Variants in MIPOL1 observed in about 807,000 individuals in gnomAD.
MIPOL1 encodes the protein mirror-image polydactyly 1, also known as mirror-image polydactyly gene 1 protein.
In MIPOL1, 57 loss-of-function variants were observed where a neutral mutation model predicts 60.9. The observed-to-expected ratio is 0.94, with a 90% CI of 0.76 to 1.17. The LOEUF is 1.17. Among genes scored for constraint, MIPOL1 ranks in the 50% most tolerant of loss-of-function variants. The probability of loss-of-function intolerance (pLI) is 0.00; values close to 1 mark genes in which losing one functional copy is unlikely to be tolerated. For missense variants in MIPOL1, 551 were observed against 511.6 expected (o/e 1.08, Z -0.74); for synonymous variants, 179 against 168.8 (o/e 1.06, Z -0.47).
intron 9 of MIPOL1, among the ~76,000 whole-genome samples, chr14:37,329,993 A>G (rs983750016): frequency 6.8e-6 from 1 of 147,174 alleles, no homozygotes; most frequent in Non-Finnish European, 1.5e-5. Flanking sequence ...AAAAAGGATC[A>G]AAACACCACA....
intron 3 of MIPOL1, among the ~76,000 whole-genome samples, chr14:37,248,788 G>C (rs1973607357): frequency 6.6e-6 from 1 of 152,034 alleles, no homozygotes; most frequent in African/African-American, 2.4e-5. Context: ...GAAAGACATA[G>C]ATCAGAAGAT....
At chr14:37,247,781 C>T (rs932515912) in intron 2 of MIPOL1, 48 bp from the exon 3 acceptor site, 26 of 1,066,560 alleles carry the variant, frequency 2.4e-5, no homozygotes, top group Non-Finnish European at 3.5e-5. Context: ...TAGGTGTGTT[C>T]TGATATATTG....
intron 9 of MIPOL1, among the ~76,000 whole-genome samples, chr14:37,341,613 A>AT (rs541805684): frequency 6.6e-6 from 1 of 151,984 alleles, no homozygotes; most frequent in Non-Finnish European, 1.5e-5. Context: ...TATTTTTTAA[A>AT]TTTTTTTTAT....
At chr14:37,353,827 A>G (rs2091594768) in intron 9 of MIPOL1, among the ~76,000 whole-genome samples, 3 of 152,024 alleles carry the variant, frequency 2.0e-5, no homozygotes, top group Non-Finnish European at 2.9e-5. Context: ...CTAGCGATCT[A>G]TCAATTTTGT....
chr14:37,210,587 T>C (rs1182176523), intron 1 of MIPOL1, among the ~76,000 whole-genome samples: 3 of 152,152 alleles, frequency 2.0e-5, no homozygotes, highest in South Asian at 4.1e-4. Context: ...GCTTGAAGAT[T>C]AGGCGGGCAG....
chr14:37,472,013 C>T (rs867379930), intron 11 of MIPOL1, among the ~76,000 whole-genome samples: 2 of 152,146 alleles, frequency 1.3e-5, no homozygotes, highest in African/African-American at 4.8e-5. Flanking sequence ...CCAAGTAAAA[C>T]AAAGCATATG....
chr14:37,511,194 C>T (rs2095325202), intron 12 of MIPOL1, among the ~76,000 whole-genome samples: 1 of 152,166 alleles, frequency 6.6e-6, no homozygotes, highest in Non-Finnish European at 1.5e-5. Context: ...CATATCATCA[C>T]TTATAGGGAA....
intron 7 of MIPOL1, among the ~76,000 whole-genome samples, chr14:37,298,867 A>G (rs1323421029): frequency 6.7e-6 from 1 of 149,906 alleles, no homozygotes; most frequent in Admixed American, 6.7e-5. Flanking sequence ...AAACTAGTTC[A>G]ACCATTGTGG....
chr14:37,413,887 C>T (rs188896512), intron 10 of MIPOL1, among the ~76,000 whole-genome samples: 4 of 152,138 alleles, frequency 2.6e-5, no homozygotes, highest in African/African-American at 9.6e-5. Context: ...TGCAACAATG[C>T]GGGGGAGTCA....
chr14:37,241,662 AT>A (rs1328507189), intron 1 of MIPOL1, among the ~76,000 whole-genome samples: 1 of 152,004 alleles, frequency 6.6e-6, no homozygotes, highest in Non-Finnish European at 1.5e-5. Flanking sequence ...TTTCATGGTA[AT>A]TTTTTGAACA....
chr14:37,281,892 A>G (rs2084137446), intron 6 of MIPOL1, among the ~76,000 whole-genome samples: 1 of 152,196 alleles, frequency 6.6e-6, no homozygotes, highest in African/African-American at 2.4e-5. Flanking sequence ...TTGAATCTTT[A>G]GAGTAATACC....
At chr14:37,535,915 T>C (rs2095504301) in intron 12 of MIPOL1, among the ~76,000 whole-genome samples, 1 of 152,180 alleles carries the variant, frequency 6.6e-6, no homozygotes, top group African/African-American at 2.4e-5. Context: ...TTTCTTTTCT[T>C]TTGGAGACAG....
intron 1 of MIPOL1, among the ~76,000 whole-genome samples, chr14:37,226,201 C>A (rs577382683): frequency 8.5e-5 from 13 of 152,320 alleles, no homozygotes; most frequent in Non-Finnish European, 1.5e-4. Flanking sequence ...GAGTATTACC[C>A]AGTTCCAAAG....
intron 11 of MIPOL1, among the ~76,000 whole-genome samples, chr14:37,485,077 G>A (rs765742938): frequency 6.6e-5 from 10 of 151,978 alleles, no homozygotes; most frequent in Non-Finnish European, 8.8e-5. Flanking sequence ...CCCTTTTATG[G>A]GTGAGAACAT....
chr14:37,378,761 A>C (rs889626481), intron 10 of MIPOL1, among the ~76,000 whole-genome samples: 3 of 152,018 alleles, frequency 2.0e-5, no homozygotes, highest in African/African-American at 7.2e-5. Flanking sequence ...TTTCCTAGCA[A>C]AATATACAGG....
rs1409836216 is a variant in MIPOL1, at chr14:37,547,267, TGA to T, written c.*301_*302del. 3.5e-6 allele frequency: 1 copy of T among 283,194 alleles called. No homozygotes were observed. Among genetic ancestry groups the T allele is most frequent in the Admixed American group, 4.9e-5 (1 of 20,218 alleles). The allele number at this position is 283,194 out of a possible 1,614,324, so 17.5% of individuals were successfully genotyped here. A position where few individuals can be genotyped will look rare whatever the true frequency, so the allele number is the denominator to read the frequency against. ...ATATCTTTAATATAAATCTTTTTAC[TGA>T]GAGATCATTATAGAAACATGTTAAA... On this transcript the variant is annotated 3_prime_UTR_variant, in exon 13 of 13. Coordinates refer to ENST00000684589, the MANE Select transcript of MIPOL1 (RefSeq NM_001388067.1).
chr14:37,263,970 A>C (rs1345634095), intron 3 of MIPOL1, among the ~76,000 whole-genome samples: 1 of 152,204 alleles, frequency 6.6e-6, no homozygotes, highest in African/African-American at 2.4e-5. Context: ...CAATAGCTTC[A>C]CTTTAATGGC....
chr14:37,265,024 C>T (rs917463444), intron 3 of MIPOL1, among the ~76,000 whole-genome samples: 7 of 152,266 alleles, frequency 4.6e-5, no homozygotes, highest in African/African-American at 1.4e-4. Context: ...ATACCTTGGA[C>T]TTTGTCCTTA....
At position 37,550,575 on chromosome 14, in the gene MIPOL1, C is replaced by T. The variant is rs2095559464; in HGVS notation, c.*3604C>T. The T allele has an allele frequency of 6.6e-6, 1 of 152,134 alleles. No homozygotes were observed. Among genetic ancestry groups the T allele is most frequent in the African/African-American group, 2.4e-5 (1 of 41,316 alleles). The allele number at this position is 152,134 out of a possible 1,614,324, so 9.4% of individuals were successfully genotyped here. On this transcript the variant is annotated 3_prime_UTR_variant, in exon 13 of 13. Coordinates refer to ENST00000684589, the MANE Select transcript of MIPOL1 (RefSeq NM_001388067.1). ...AATGATTTATAAGTGAACTGTTAGG[C>T]TCCAGTGATTTCAGTGTTTTGTTCA...
Sources: gnomAD v4.1 joint callset for allele counts (sites outside exome capture counted in the v4.1 genomes callset) on GRCh38, gnomAD v4.1.1 for gene constraint, MANE v1.5 for transcripts, NCBI Gene and HGNC (gene_info 2026-07-23, HGNC 2026-07-21) for gene names.